The following RADX variants were observed in gnomAD, a reference collection of about 807,000 sequenced individuals.
RADX encodes RPA1 related single stranded DNA binding protein, X-linked.
Under a neutral mutation model 61.6 loss-of-function variants are expected in RADX, and 36 were observed. The observed-to-expected ratio is 0.58, with a 90% CI of 0.45 to 0.77. RADX has a LOEUF of 0.77. Among genes scored for constraint, RADX ranks in the 30% least tolerant of loss-of-function variants. The pLI is 0.00. For synonymous variants in RADX, 272 were observed against 237.9 expected (o/e 1.14, Z -1.32); for missense variants, 497 against 651.1 (o/e 0.76, Z 2.58).
At chrX:106,631,190 A>G (rs1225036680) in intron 3 of RADX, among the ~76,000 whole-genome samples, 12 of 112,075 alleles carry the variant, frequency 1.1e-4, no homozygotes, top group Non-Finnish European at 2.3e-4. Flanking sequence ...ATTTGCCACT[A>G]CATAATCAAT....
intron 13 of RADX, among the ~76,000 whole-genome samples, chrX:106,676,934 A>G (rs1928526757): frequency 9.0e-6 from 1 of 111,589 alleles, no homozygotes; most frequent in Non-Finnish European, 1.9e-5. Context: ...TTTAAAGCCC[A>G]CTTTACACCA....
rs1177634348 is a variant in RADX, at chrX:106,662,237, G to C, written c.2201G>C (p.Gly734Ala). The C allele has an allele frequency of 8.3e-7, 1 of 1,208,772 alleles. No individual in the cohort carries two copies. Among genetic ancestry groups the C allele is most frequent in the African/African-American group, 1.8e-5 (1 of 57,034 alleles). ...CCTGCGAAATATGTACCACCAGAAG[G>C]AAGGCCCCCAAAACTTGATGATTTT... ...SQPAKYVPPE[G>A]RPPKLDDFKS... Residue 734 changes from glycine to alanine, a missense_variant, in exon 12 of 14, where the codon GGA becomes GCA. Gly to Ala is a moderately conservative substitution (Grantham distance 60). Transcript: ENST00000372548.
chrX:106,668,827 C>G (rs1372574290), intron 12 of RADX, among the ~76,000 whole-genome samples: 2 of 112,080 alleles, frequency 1.8e-5, no homozygotes, highest in Admixed American at 1.9e-4. Flanking sequence ...CCCGGAATAG[C>G]ACCTGTCCTA....
intron 2 of RADX, among the ~76,000 whole-genome samples, chrX:106,624,666 A>G (rs781340135): frequency 2.7e-5 from 3 of 111,651 alleles, no homozygotes; most frequent in Non-Finnish European, 5.6e-5. Flanking sequence ...TCTGCATTCC[A>G]GGGCCTAACA....
At chrX:106,634,004 A>T (rs2147620675) in intron 6 of RADX, among the ~76,000 whole-genome samples, 1 of 111,395 alleles carries the variant, frequency 9.0e-6, no homozygotes, top group African/African-American at 3.3e-5. Context: ...ATGACATTTT[A>T]TTTTTTTCCA....
intron 1 of RADX, among the ~76,000 whole-genome samples, chrX:106,617,914 GA>G (rs927377829): frequency 2.7e-5 from 3 of 110,435 alleles, no homozygotes; most frequent in South Asian, 3.7e-4. Flanking sequence ...AAAAATCAGA[GA>G]AAAAAAATTT....
intron 1 of RADX, among the ~76,000 whole-genome samples, chrX:106,622,310 T>TC (rs1926972326): frequency 9.0e-6 from 1 of 110,573 alleles, no homozygotes; most frequent in Admixed American, 9.6e-5. Context: ...GTTTTTTTTT[T>TC]CACAAAATAT....
chrX:106,659,866 T>C (rs907210738), intron 11 of RADX, among the ~76,000 whole-genome samples: 2 of 112,095 alleles, frequency 1.8e-5, no homozygotes, highest in Admixed American at 1.9e-4. Flanking sequence ...GTCCTTAATA[T>C]TAACACTCAA....
chrX:106,652,685 A>G (rs926600042), intron 11 of RADX, among the ~76,000 whole-genome samples: 1 of 96,658 alleles, frequency 1.0e-5, no homozygotes, highest in Non-Finnish European at 2.1e-5. Flanking sequence ...AGACAAAAAC[A>G]TCATTAAATG....
At chrX:106,616,829 T>C (rs1926814784) in intron 1 of RADX, among the ~76,000 whole-genome samples, 1 of 110,459 alleles carries the variant, frequency 9.1e-6, no homozygotes, top group African/African-American at 3.3e-5. Flanking sequence ...TCATTTTGAT[T>C]ATATACTTTC....
At chrX:106,632,012 A>G (rs1344044852) in intron 3 of RADX, among the ~76,000 whole-genome samples, 1 of 111,464 alleles carries the variant, frequency 9.0e-6, no homozygotes, top group East Asian at 2.8e-4. Context: ...TACATATCAC[A>G]TAATCCAGCA....
chrX:106,650,519 T>C (rs1481585494), intron 11 of RADX, among the ~76,000 whole-genome samples: 2 of 110,596 alleles, frequency 1.8e-5, no homozygotes, highest in Non-Finnish European at 3.8e-5. Context: ...TGGAAGAATT[T>C]ATACCCCAGG....
intron 1 of RADX, among the ~76,000 whole-genome samples, chrX:106,619,508 G>GGAAA (rs1410293436): frequency 2.7e-5 from 3 of 111,754 alleles, no homozygotes; most frequent in Admixed American, 1.9e-4. Context: ...TATAGCTCAG[G>GGAAA]GAAAGAGCTG....
At chrX:106,672,023 T>C (rs1051069549) in intron 13 of RADX, among the ~76,000 whole-genome samples, 2 of 111,801 alleles carry the variant, frequency 1.8e-5, no homozygotes, top group Non-Finnish European at 3.8e-5. Flanking sequence ...GCTGCTGGTT[T>C]TATGTCATAC....
chrX:106,666,445 C>G (rs1273759799), intron 12 of RADX, among the ~76,000 whole-genome samples: 3 of 111,819 alleles, frequency 2.7e-5, no homozygotes, highest in Non-Finnish European at 5.6e-5. Flanking sequence ...AGGGAATCAA[C>G]ATTGAGGGAA....
At chrX:106,622,936 A>G (rs1352589462) in intron 2 of RADX, 143 bp downstream of exon 2, 2 of 355,845 alleles carry the variant, frequency 5.6e-6, no homozygotes, top group Non-Finnish European at 9.6e-6. Flanking sequence ...GTAAATGTAT[A>G]TTATAAAGTA....
At chrX:106,658,654 A>G (rs1338290960) in intron 11 of RADX, among the ~76,000 whole-genome samples, 1 of 112,162 alleles carries the variant, frequency 8.9e-6, no homozygotes, top group African/African-American at 3.2e-5. Flanking sequence ...AATGAATTAG[A>G]TCTATATGTG....
intron 2 of RADX, 118 bp from the exon 3 acceptor site, chrX:106,624,972 A>T: frequency 5.1e-6 from 2 of 392,806 alleles, no homozygotes; most frequent in Non-Finnish European, 8.2e-6. Context: ...ATTAATAAAT[A>T]ATTAAAATTT....
chrX:106,676,792 C>T (rs781400850), intron 13 of RADX, among the ~76,000 whole-genome samples: 1 of 111,912 alleles, frequency 8.9e-6, no homozygotes, highest in South Asian at 3.8e-4. Flanking sequence ...CCTTAGCCTT[C>T]ACTTCCTGCT....
Sources: gnomAD v4.1 joint callset for allele counts (sites outside exome capture counted in the v4.1 genomes callset) on GRCh38, gnomAD v4.1.1 for gene constraint, MANE v1.5 for transcripts, NCBI Gene and HGNC (gene_info 2026-07-23, HGNC 2026-07-21) for gene names.